Variants in DIAPH3 observed in about 807,000 individuals in gnomAD.
DIAPH3 encodes diaphanous related formin 3, also known as protein diaphanous homolog 3.
Under a neutral mutation model 144.3 loss-of-function variants are expected in DIAPH3, and 117 were observed. The observed-to-expected ratio is 0.81, with a 90% CI of 0.70 to 0.95. The LOEUF is 0.95. DIAPH3 is among the 40% of genes least tolerant of loss of function. The probability of loss-of-function intolerance (pLI) is 0.00; values close to 1 mark genes in which losing one functional copy is unlikely to be tolerated. For missense variants in DIAPH3, 1,421 were observed against 1,412.7 expected (o/e 1.01, Z -0.09); for synonymous variants, 519 against 488.9 (o/e 1.06, Z -0.81).
rs2041871003 is a variant in DIAPH3 at position 59,833,192 on chromosome 13, A to G, written c.2942T>C (p.Ile981Thr). ...CACATCAATGGCATAGTATCCTATT[A>G]TACTCTGGTATAACTTTTCCATGTT... is the stretch of plus-strand genomic sequence containing the variant. ...HENMEKLYQSIIGYYAIDVKK... is the reference protein window; with the variant it reads ...HENMEKLYQSTIGYYAIDVKK... The change falls in exon 24 of 28, where the codon ATA becomes ACA. Residue 981 changes from isoleucine to threonine, a missense_variant. Physicochemically the swap from Ile to Thr is moderately conservative, Grantham distance 89. Transcript: ENST00000400324. 2 of 1,610,506 alleles carry G rather than the reference A, an allele frequency of 1.2e-6. No homozygotes were observed. Among genetic ancestry groups the G allele is most frequent in the South Asian group, 2.2e-5 (2 of 90,804 alleles).
At chr13:59,931,742 G>A (rs1474063884) in intron 17 of DIAPH3, among the ~76,000 whole-genome samples, 1 of 152,164 alleles carries the variant, frequency 6.6e-6, no homozygotes, top group East Asian at 1.9e-4. Flanking sequence ...AGATGATAAT[G>A]ATGATGTTTA....
At position 59,787,496 on chromosome 13, in the gene DIAPH3, A is replaced by T. The variant is rs143848836; in HGVS notation, c.3164-12673T>A. Among the ~76,000 whole-genome samples, 236 of 152,352 alleles carry T rather than the reference A, an allele frequency of 1.5e-3. 1 individual carries two copies. Among genetic ancestry groups the T allele is most frequent in the South Asian group, 4.4e-3 (21 of 4,820 alleles). ...TTTGTGAGGCCAAGGAGAGAGAATC[A>T]CTTGAGCCTAGGAATTTGAAACCAG... On this transcript the variant is annotated intron_variant, in intron 25 of 27. Coordinates refer to ENST00000400324, the MANE Select transcript of DIAPH3 (RefSeq NM_001042517.2).
intron 27 of DIAPH3, among the ~76,000 whole-genome samples, chr13:59,690,091 C>T (rs1455522110): frequency 6.6e-6 from 1 of 152,052 alleles, no homozygotes; most frequent in Non-Finnish European, 1.5e-5. Context: ...GGTTACCTAG[C>T]TTCCAGGTGA....
Position 60,116,545 on chromosome 13 carries a change from T to C in DIAPH3, c.214-4359A>G, listed in dbSNP as rs552106569. ...ATCATTTCTGTACGGATAATATCAA[T>C]TCCTAAGCACAGAAACTATTCTGGT... On this transcript the variant is annotated intron_variant, in intron 2 of 27. Coordinates refer to ENST00000400324, the MANE Select transcript of DIAPH3 (RefSeq NM_001042517.2). Among the ~76,000 whole-genome samples the C allele has an allele frequency of 2.0e-5, 3 of 152,138 alleles. No individual in the cohort carries two copies. In the South Asian group the frequency reaches 6.2e-4, roughly 32 times the overall value.
chr13:59,889,871 A>C (rs1387220941), intron 20 of DIAPH3, among the ~76,000 whole-genome samples: 3 of 152,090 alleles, frequency 2.0e-5, no homozygotes, highest in Non-Finnish European at 4.4e-5. Context: ...AGTGAAACTC[A>C]ATCTCCAACC....
chr13:59,762,716 T>G (rs912108016), intron 27 of DIAPH3, among the ~76,000 whole-genome samples: 4 of 152,158 alleles, frequency 2.6e-5, no homozygotes, highest in Non-Finnish European at 5.9e-5. Context: ...ATTGTAAGAT[T>G]CACATTTTCC....
chr13:59,796,743 A>G (rs1023331227), intron 25 of DIAPH3, among the ~76,000 whole-genome samples: 12 of 152,144 alleles, frequency 7.9e-5, no homozygotes, highest in Admixed American at 1.3e-4. Context: ...CAAAGGGGGG[A>G]AAAAAACCAT....
chr13:59,718,057 T>C (rs1593659970), intron 27 of DIAPH3, among the ~76,000 whole-genome samples: 1 of 152,132 alleles, frequency 6.6e-6, no homozygotes, highest in Admixed American at 6.5e-5. Flanking sequence ...GCCAGGTCCT[T>C]TTACATTATT....
At chr13:60,026,951 G>A (rs962900264) in intron 5 of DIAPH3, among the ~76,000 whole-genome samples, 13 of 152,016 alleles carry the variant, frequency 8.6e-5, no homozygotes, top group Admixed American at 5.9e-4. Context: ...CTTCTTAAAA[G>A]GAGAAAAAAT....
chr13:60,144,715 A>G (rs1951424045), intron 1 of DIAPH3: 1 of 152,274 alleles, frequency 6.6e-6, no homozygotes, highest in African/African-American at 2.4e-5. Flanking sequence ...AAAGCAGAGG[A>G]AGCCACACAA....
At chr13:60,025,326 T>C (rs568990850) in intron 5 of DIAPH3, among the ~76,000 whole-genome samples, 65 of 150,260 alleles carry the variant, frequency 4.3e-4, no homozygotes, top group African/African-American at 1.5e-3. Context: ...CCATATTGTT[T>C]CTTAAATCTC....
intron 27 of DIAPH3, among the ~76,000 whole-genome samples, chr13:59,692,409 AC>A (rs376316659): frequency 5.6e-5 from 8 of 143,014 alleles, no homozygotes; most frequent in African/African-American, 2.1e-4. Flanking sequence ...GACACCCCCA[AC>A]CCCCCCATCC....
chr13:59,957,088 G>A (rs1024331483), intron 17 of DIAPH3, among the ~76,000 whole-genome samples: 5 of 152,162 alleles, frequency 3.3e-5, no homozygotes, highest in African/African-American at 1.2e-4. Flanking sequence ...TGTCTCAGAT[G>A]AGATTTTGGA....
chr13:60,029,739 G>T (rs2054648405), intron 5 of DIAPH3, among the ~76,000 whole-genome samples: 1 of 152,124 alleles, frequency 6.6e-6, no homozygotes, highest in Non-Finnish European at 1.5e-5. Flanking sequence ...CCGGTCTCAG[G>T]CAGTTCTTTA....
chr13:59,725,951 GT>G (rs1483366253), intron 27 of DIAPH3, among the ~76,000 whole-genome samples: 2 of 152,152 alleles, frequency 1.3e-5, no homozygotes, highest in East Asian at 3.8e-4. Context: ...GATGACCAAT[GT>G]CTTTCCTCTG....
chr13:59,896,626 C>T (rs2046116824), intron 20 of DIAPH3, among the ~76,000 whole-genome samples: 1 of 152,044 alleles, frequency 6.6e-6, no homozygotes, highest in South Asian at 2.1e-4. Flanking sequence ...CTTGAACATA[C>T]TTCCGTAACA....
chr13:59,997,140 C>G (rs1323192438), intron 9 of DIAPH3, among the ~76,000 whole-genome samples: 1 of 152,010 alleles, frequency 6.6e-6, no homozygotes, highest in Admixed American at 6.6e-5. Context: ...TGCTATCAAA[C>G]ATTAAACTTA....
chr13:59,921,970 T>C (rs937383741), intron 18 of DIAPH3, among the ~76,000 whole-genome samples: 2 of 152,078 alleles, frequency 1.3e-5, no homozygotes, highest in Non-Finnish European at 2.9e-5. Flanking sequence ...ATCATTTCAA[T>C]AGATAGAAAA....
At chr13:59,839,134 A>C in intron 23 of DIAPH3, 190 bp downstream of exon 23, 2 of 551,628 alleles carry the variant, frequency 3.6e-6, no homozygotes, top group Non-Finnish European at 6.2e-6. Flanking sequence ...AGACAGACAG[A>C]CAGACATTTG....
Sources: allele counts gnomAD v4.1 joint callset (sites outside exome capture counted in the v4.1 genomes callset), GRCh38; gene constraint gnomAD v4.1.1; transcripts MANE v1.5; gene names NCBI Gene and HGNC (gene_info 2026-07-23, HGNC 2026-07-21).